The following DSCAM variants were observed in gnomAD, a reference collection of about 807,000 sequenced individuals.
DSCAM encodes the protein DS cell adhesion molecule.
In DSCAM, 47 loss-of-function variants were observed where a neutral mutation model predicts 217.7. That is an observed-to-expected ratio of 0.22 (90% CI 0.17 to 0.28). The LOEUF (loss-of-function observed/expected upper bound fraction) is 0.28. Ranked by LOEUF, DSCAM falls within the 10% of genes least tolerant of loss-of-function variation. The pLI is 1.00. For synonymous variants in DSCAM, 1,056 were observed against 1,015.3 expected (o/e 1.04, Z -0.76); for missense variants, 2,080 against 2,618.3 (o/e 0.79, Z 4.49).
intron 3 of DSCAM, among the ~76,000 whole-genome samples, chr21:40,597,461 T>G (rs957170573): frequency 3.3e-4 from 49 of 150,362 alleles, no homozygotes; most frequent in African/African-American, 1.2e-3. Flanking sequence ...CAAGCCGGTT[T>G]TTTTTTTTTT....
intron 3 of DSCAM, among the ~76,000 whole-genome samples, chr21:40,687,440 A>T (rs1249192192): frequency 6.6e-6 from 1 of 152,198 alleles, no homozygotes; most frequent in Non-Finnish European, 1.5e-5. Flanking sequence ...GAGCAATAAA[A>T]TCACAATAGA....
At position 40,338,134 on chromosome 21, in the gene DSCAM, A is replaced by G. The variant is rs1248065814; in HGVS notation, c.1750T>C (p.Ser584Pro). 6.2e-7 allele frequency: 1 copy of G among 1,614,220 alleles called. No homozygotes were observed. Among genetic ancestry groups the G allele is most frequent in the Admixed American group, 1.7e-5 (1 of 60,028 alleles). ...GTCACGTGGACGCTCTGGCTGGTGG[A>G]GAGTTGTGGTTGAACCAACACGTTG... ...TCNVLVQPQLSTSQSVHVTVK... is the reference protein window; with the variant it reads ...TCNVLVQPQLPTSQSVHVTVK... Residue 584 changes from serine to proline, a missense_variant, in exon 8 of 33, where the codon TCC (serine) becomes CCC (proline). By Grantham distance (74) the Ser-to-Pro change is moderately conservative. This residue lies in a region of DSCAM where 218 missense variants were observed against 364.1 expected (regional missense o/e 0.60). Coordinates refer to ENST00000400454, the MANE Select transcript of DSCAM (RefSeq NM_001389.5).
intron 11 of DSCAM, among the ~76,000 whole-genome samples, chr21:40,197,190 C>G (rs1234204520): frequency 6.6e-6 from 1 of 151,988 alleles, no homozygotes; most frequent in Non-Finnish European, 1.5e-5. Context: ...GCAATCTTGG[C>G]TCACTGCAAG....
At position 40,715,254 on chromosome 21, in the gene DSCAM, C is replaced by T. The variant is rs181352876; in HGVS notation, c.44-6483G>A. ...CTATTTTAGTTTCATTATATGCCTG[C>T]CTTTATTCCGGAAAGTCAGATCTAG... On this transcript the variant is annotated intron_variant, in intron 1 of 32. Coordinates refer to ENST00000400454, the MANE Select transcript of DSCAM (RefSeq NM_001389.5). 3.1e-3 allele frequency among the ~76,000 whole-genome samples: 466 copies of T among 152,280 alleles called. 1 individual carries two copies. The highest frequency in any genetic ancestry group is 4.5e-3 in the Non-Finnish European group (307 of 68,028).
rs1005734801 is a variant in DSCAM at position 40,150,197 on chromosome 21, G to T, written c.3019-5466C>A. On this transcript the variant is annotated intron_variant, in intron 16 of 32. Coordinates refer to ENST00000400454, the MANE Select transcript of DSCAM (RefSeq NM_001389.5). ...CTATCTCAAGGCAAGTACAGGGTAG[G>T]AATTCTCCAAAGTTGTATTTGGTAT... Among the ~76,000 whole-genome samples, 6 of 152,290 alleles carry T rather than the reference G, an allele frequency of 3.9e-5. No individual in the cohort carries two copies. In the South Asian group the frequency reaches 1.2e-3, roughly 32 times the overall value.
At chr21:40,341,722 A>G (rs2074493599) in intron 6 of DSCAM, among the ~76,000 whole-genome samples, 1 of 152,204 alleles carries the variant, frequency 6.6e-6, no homozygotes, top group Non-Finnish European at 1.5e-5. Context: ...ATATCATCAT[A>G]ATCAGAGTAC....
chr21:40,016,059 G>A lies in DSCAM; in HGVS notation c.5687-2673C>T, dbSNP rs1309898437. Among the ~76,000 whole-genome samples, 4 of 152,190 alleles carry A rather than the reference G, an allele frequency of 2.6e-5. No individual in the cohort carries two copies. Among genetic ancestry groups the A allele is most frequent in the East Asian group, 3.9e-4 (2 of 5,186 alleles). ...CACCATCTTGGCACACCTGTAACTC[G>A]TGACATACCAGGTGCAAAACTCTGT... is the stretch of plus-strand genomic sequence containing the variant. On this transcript the variant is annotated intron_variant, in intron 32 of 32. Transcript: ENST00000400454. This position sits in a 1 kb window ranked among gnomAD's most constrained non-coding sequence, Gnocchi z 4.3.
chr21:40,594,667 C>T (rs966330010), intron 3 of DSCAM, among the ~76,000 whole-genome samples: 3 of 152,012 alleles, frequency 2.0e-5, no homozygotes, highest in Non-Finnish European at 4.4e-5. Flanking sequence ...AACAGAGGGT[C>T]GCATGCCATA....
chr21:40,420,718 T>G (rs932564260), intron 3 of DSCAM, among the ~76,000 whole-genome samples: 1 of 152,168 alleles, frequency 6.6e-6, no homozygotes, highest in African/African-American at 2.4e-5. Flanking sequence ...AAGGGGGAAT[T>G]TGGACACAAA....
At chr21:40,502,428 A>T (rs552905575) in intron 3 of DSCAM, among the ~76,000 whole-genome samples, 2 of 152,342 alleles carry the variant, frequency 1.3e-5, no homozygotes, top group East Asian at 1.9e-4. Context: ...CCAAGGTATT[A>T]TCTATAGTTC....
chr21:40,142,341 C>T (rs1276358957), intron 18 of DSCAM, among the ~76,000 whole-genome samples: 1 of 152,178 alleles, frequency 6.6e-6, no homozygotes, highest in African/African-American at 2.4e-5. Context: ...GTGCCGCCCC[C>T]GCCTAGGCTT....
intron 10 of DSCAM, among the ~76,000 whole-genome samples, chr21:40,290,449 C>A (rs1035241450): frequency 2.0e-5 from 3 of 151,976 alleles, no homozygotes; most frequent in African/African-American, 7.3e-5. Flanking sequence ...GGTGAAACCC[C>A]ATCTCTACCC....
At chr21:40,800,906 G>A (rs2091734538) in intron 1 of DSCAM, among the ~76,000 whole-genome samples, 1 of 150,796 alleles carries the variant, frequency 6.6e-6, no homozygotes, top group Non-Finnish European at 1.5e-5. Context: ...AATGGAGACG[G>A]GGTTTCACTA....
chr21:40,721,824 A>G (rs917372386), intron 1 of DSCAM, among the ~76,000 whole-genome samples: 3 of 152,160 alleles, frequency 2.0e-5, no homozygotes, highest in Admixed American at 6.5e-5. Context: ...CAAATTCAAC[A>G]AACACCAAAC....
At chr21:40,308,173 AT>A (rs2074100356) in intron 9 of DSCAM, among the ~76,000 whole-genome samples, 1 of 152,198 alleles carries the variant, frequency 6.6e-6, no homozygotes, top group Admixed American at 6.5e-5. Context: ...AATGCAGTAC[AT>A]TGTGGATACG....
intron 3 of DSCAM, among the ~76,000 whole-genome samples, chr21:40,535,904 TGA>T (rs201385776): frequency 0.016 from 2,423 of 152,266 alleles, 53 homozygotes; most frequent in Admixed American, 0.037. Context: ...ACATGGATCA[TGA>T]TTTGGGAGAA....
chr21:40,500,743 A>G (rs1218968944), intron 3 of DSCAM, among the ~76,000 whole-genome samples: 1 of 152,220 alleles, frequency 6.6e-6, no homozygotes, highest in African/African-American at 2.4e-5. Context: ...GTGGTTTCAG[A>G]GCAACCTGAA....
Position 40,452,237 on chromosome 21 carries a change from TACAC to T in DSCAM, c.509-82996_509-82993del, listed in dbSNP as rs71186937. ...TATACATACTATGTATACACTATAT[TACAC>T]ACACACACACACACACACACACACA... On this transcript the variant is annotated intron_variant, in intron 3 of 32. Coordinates refer to ENST00000400454, the MANE Select transcript of DSCAM (RefSeq NM_001389.5). Among the ~76,000 whole-genome samples the T allele has an allele frequency of 5.1e-3, 730 of 144,448 alleles. 8 individuals carry two copies. The highest frequency in any genetic ancestry group is 0.013 in the East Asian group (66 of 4,912). The allele number at this position is 144,448 out of a possible 152,430, so 94.8% of individuals were successfully genotyped here.
At chr21:40,304,894 C>T (rs965585987) in intron 9 of DSCAM, among the ~76,000 whole-genome samples, 1 of 152,024 alleles carries the variant, frequency 6.6e-6, no homozygotes, top group Non-Finnish European at 1.5e-5. Flanking sequence ...AATAGTAACA[C>T]CAGAGATTAC....
Sources: allele counts gnomAD v4.1 joint callset (sites outside exome capture counted in the v4.1 genomes callset), GRCh38; gene constraint gnomAD v4.1.1; regional missense constraint gnomAD v4.1.1; non-coding constraint Gnocchi (gnomAD v3.1); transcripts MANE v1.5; gene names NCBI Gene and HGNC (gene_info 2026-07-23, HGNC 2026-07-21).